Variants in NTM observed in about 807,000 individuals in gnomAD.
The protein encoded by NTM is IgLON family member 2.
In NTM, 13 loss-of-function variants were observed where a neutral mutation model predicts 42.1. The ratio of observed to expected loss-of-function variants is 0.31; its 90% CI spans 0.20 to 0.49. The LOEUF (loss-of-function observed/expected upper bound fraction) is 0.49. Among genes scored for constraint, NTM ranks in the 20% least tolerant of loss-of-function variants. The pLI is 0.99. For synonymous variants in NTM, 187 were observed against 179.2 expected (o/e 1.04, Z -0.35); for missense variants, 373 against 452.8 (o/e 0.82, Z 1.60).
chr11:131,929,341 C>T (rs2058332650), intron 2 of NTM, among the ~76,000 whole-genome samples: 1 of 151,722 alleles, frequency 6.6e-6, no homozygotes, highest in African/African-American at 2.4e-5. Flanking sequence ...CACATGTGGG[C>T]GGGGCCTGGT....
chr11:132,105,740 T>C (rs116447802), intron 2 of NTM, among the ~76,000 whole-genome samples: 99 of 152,346 alleles, frequency 6.5e-4, no homozygotes, highest in African/African-American at 2.3e-3. Context: ...TGGCTGACAC[T>C]GCAGGCTTCT....
At chr11:132,127,117 C>T (rs1369826039) in intron 2 of NTM, among the ~76,000 whole-genome samples, 1 of 152,102 alleles carries the variant, frequency 6.6e-6, no homozygotes, top group African/African-American at 2.4e-5. Flanking sequence ...CCCCAAAGTC[C>T]CTGAGCCTGA....
intron 1 of NTM, among the ~76,000 whole-genome samples, chr11:131,501,545 A>G (rs962520813): frequency 2.0e-5 from 3 of 152,180 alleles, no homozygotes; most frequent in Non-Finnish European, 2.9e-5. Flanking sequence ...GAGGGTCTTC[A>G]GGAGAGGGAA....
rs377172508 is a variant in NTM at position 132,009,485 on chromosome 11, T to C, written c.167+97837T>C. Among the ~76,000 whole-genome samples, 176 of 152,296 alleles carry C rather than the reference T, an allele frequency of 1.2e-3. 1 individual carries two copies. The highest frequency in any genetic ancestry group is 0.01 in the Middle Eastern group (3 of 294). ...CTGCAGACAGTGATGTGGAAAGGGA[T>C]GTCGTTTCTGGCACTGACACTGTGC... On this transcript the variant is annotated intron_variant, in intron 2 of 8. Coordinates refer to ENST00000683400, the MANE Select transcript of NTM (RefSeq NM_001352005.2).
chr11:131,684,499 G>A (rs1016031016), intron 1 of NTM, among the ~76,000 whole-genome samples: 3 of 152,202 alleles, frequency 2.0e-5, no homozygotes, highest in Non-Finnish European at 4.4e-5. Flanking sequence ...CAGCTTCCAG[G>A]GAGCTGGGAG....
At chr11:131,411,570 TG>T (rs1946425207) in intron 1 of NTM, among the ~76,000 whole-genome samples, 3 of 151,262 alleles carry the variant, frequency 2.0e-5, no homozygotes, top group African/African-American at 7.3e-5. Context: ...TGTGTGTGTG[TG>T]TGTGTGTGTG....
At chr11:131,745,418 A>G (rs1162716151) in intron 1 of NTM, among the ~76,000 whole-genome samples, 1 of 152,220 alleles carries the variant, frequency 6.6e-6, no homozygotes, top group African/African-American at 2.4e-5. Context: ...GAAGGTGTTG[A>G]AAAGTGTAAA....
chr11:132,070,353 G>T (rs113859785), intron 2 of NTM, among the ~76,000 whole-genome samples: 1 of 138,002 alleles, frequency 7.2e-6, no homozygotes, highest in Non-Finnish European at 1.6e-5. Flanking sequence ...GCCAAAACAC[G>T]TCAAACTGAC....
At chr11:131,453,774 T>C (rs1484182818) in intron 1 of NTM, among the ~76,000 whole-genome samples, 2 of 151,996 alleles carry the variant, frequency 1.3e-5, no homozygotes, top group African/African-American at 2.4e-5. Context: ...TTGCTCAGCA[T>C]TGGCTGCAGG....
chr11:131,374,082 G>T (rs1186742414), intron 1 of NTM, among the ~76,000 whole-genome samples: 1 of 152,202 alleles, frequency 6.6e-6, no homozygotes, highest in African/African-American at 2.4e-5. Context: ...TGGCAAAGTG[G>T]AAACATCAGC....
intron 1 of NTM, among the ~76,000 whole-genome samples, chr11:131,769,300 T>C (rs1413150257): frequency 6.6e-6 from 1 of 152,208 alleles, no homozygotes; most frequent in East Asian, 1.9e-4. Context: ...TCTCATTTTT[T>C]TTTGAGGCTA....
chr11:131,919,897 T>A (rs1348036855), intron 2 of NTM, among the ~76,000 whole-genome samples: 1 of 152,170 alleles, frequency 6.6e-6, no homozygotes, highest in African/African-American at 2.4e-5. Flanking sequence ...TCCCCCTTTG[T>A]CCACCTATAA....
chr11:131,916,901 C>T (rs561449045), intron 2 of NTM, among the ~76,000 whole-genome samples: 58 of 152,210 alleles, frequency 3.8e-4, no homozygotes, highest in Admixed American at 7.8e-4. Flanking sequence ...CTGGGAACAC[C>T]CCTACCCTGA....
At chr11:131,800,025 A>G (rs563122418) in intron 1 of NTM, among the ~76,000 whole-genome samples, 223 of 152,348 alleles carry the variant, frequency 1.5e-3, no homozygotes, top group African/African-American at 5.2e-3. Context: ...GATGATGGAC[A>G]TAAAGCACCT....
At chr11:131,571,582 C>A (rs530801355) in intron 1 of NTM, among the ~76,000 whole-genome samples, 1 of 152,288 alleles carries the variant, frequency 6.6e-6, no homozygotes, top group South Asian at 2.1e-4. Flanking sequence ...ATAACTGTGC[C>A]CTCTCACAGG....
intron 2 of NTM, among the ~76,000 whole-genome samples, chr11:131,921,463 T>A (rs1368553573): frequency 6.6e-6 from 1 of 152,174 alleles, no homozygotes; most frequent in African/African-American, 2.4e-5. Context: ...AGTATGGCCC[T>A]GCCAACACGG....
chr11:132,213,493 T>C (rs912850612), intron 4 of NTM, among the ~76,000 whole-genome samples: 1 of 152,162 alleles, frequency 6.6e-6, no homozygotes, highest in Non-Finnish European at 1.5e-5. Flanking sequence ...CACCGAGGGC[T>C]ATCCACCAGC....
chr11:131,896,820 C>G (rs2052357687), intron 1 of NTM, among the ~76,000 whole-genome samples: 1 of 151,596 alleles, frequency 6.6e-6, no homozygotes, highest in Non-Finnish European at 1.5e-5. Flanking sequence ...TCCGGAGTAG[C>G]TGGGACTACA....
At chr11:132,030,515 G>A (rs1176228600) in intron 2 of NTM, among the ~76,000 whole-genome samples, 1 of 152,158 alleles carries the variant, frequency 6.6e-6, no homozygotes, top group Non-Finnish European at 1.5e-5. Context: ...GTACTATGGA[G>A]AAAAATAAAC....
Sources: allele counts gnomAD v4.1 joint callset (sites outside exome capture counted in the v4.1 genomes callset), GRCh38; gene constraint gnomAD v4.1.1; transcripts MANE v1.5; gene names NCBI Gene and HGNC (gene_info 2026-07-23, HGNC 2026-07-21).